CNDP2: variants seen among roughly 807,000 people sequenced by gnomAD.
The protein encoded by CNDP2 is cytosolic non-specific dipeptidase.
A neutral mutation model predicts 55.0 loss-of-function variants in CNDP2; 38 were observed. The ratio of observed to expected loss-of-function variants is 0.69; its 90% CI spans 0.53 to 0.90. The LOEUF is 0.90. Ranked by LOEUF, CNDP2 falls within the 40% of genes least tolerant of loss-of-function variation. CNDP2 has a pLI of 0.00. For missense variants in CNDP2, 607 were observed against 621.7 expected (o/e 0.98, Z 0.25); for synonymous variants, 241 against 260.2 (o/e 0.93, Z 0.71).
At chr18:74,505,490 T>G (rs935958877) in intron 3 of CNDP2, among the ~76,000 whole-genome samples, 3 of 151,916 alleles carry the variant, frequency 2.0e-5, no homozygotes, top group African/African-American at 7.3e-5. Flanking sequence ...TCCCAGCTAC[T>G]TGGGCGGTTG....
chr18:74,496,669 T>C (rs1978431723), intron 1 of CNDP2, among the ~76,000 whole-genome samples: 1 of 152,140 alleles, frequency 6.6e-6, no homozygotes, highest in African/African-American at 2.4e-5. Context: ...GCCACTCGTG[T>C]CCCAGCAGCG....
In CNDP2 at chr18:74,499,882, G is replaced by T; in HGVS notation, c.-92G>T. On this transcript the variant is annotated splice_region_variant and 5_prime_UTR_variant, in exon 2 of 12. Coordinates refer to ENST00000324262, the MANE Select transcript of CNDP2 (RefSeq NM_018235.3). ...TTCTGAACACGTGCTTTCTGGGCAG[G>T]TCGCCCCTCAGTCTCCACTAGAGAC... The T allele has an allele frequency of 2.7e-6, 3 of 1,129,284 alleles. No individual in the cohort carries two copies. The highest frequency in any genetic ancestry group is 2.7e-5 in the South Asian group (2 of 74,558). 70.0% of individuals were successfully genotyped at this position (1,129,284 alleles called of 1,614,324 possible). A position where few individuals can be genotyped will look rare whatever the true frequency, so the allele number is the denominator to read the frequency against.
chr18:74,519,931 G>T, intron 11 of CNDP2, 68 bp from the exon 12 acceptor site: 1 of 1,434,178 alleles, frequency 7.0e-7, no homozygotes, highest in South Asian at 1.2e-5. Flanking sequence ...GGCTCGGGAG[G>T]AGTCACCCCA....
chr18:74,502,504 A>T (rs943327360), intron 3 of CNDP2, among the ~76,000 whole-genome samples: 2 of 147,814 alleles, frequency 1.4e-5, no homozygotes, highest in Non-Finnish European at 3.0e-5. Flanking sequence ...GGGTTTCACC[A>T]TGTTTCCAGG....
chr18:74,511,578 G>C (rs1255698052), intron 6 of CNDP2, among the ~76,000 whole-genome samples: 1 of 152,066 alleles, frequency 6.6e-6, no homozygotes, highest in African/African-American at 2.4e-5. Flanking sequence ...TGTGGTGGCA[G>C]GTGCCTGTAA....
chr18:74,516,151 A>G, intron 8 of CNDP2, 77 bp from the exon 9 acceptor site: 4 of 1,471,542 alleles, frequency 2.7e-6, no homozygotes, highest in Non-Finnish European at 3.7e-6. Context: ...CCCAGACAAC[A>G]TTCCCAGCTC....
In CNDP2 at chr18:74,516,232, A is replaced by C; in HGVS notation, c.908A>C (p.Asp303Ala). Residue 303 changes from aspartate to alanine, a missense_variant, in exon 9 of 12, where the codon GAC (aspartate) becomes GCC (alanine). By Grantham distance (126) the Asp-to-Ala change is moderately radical. Coordinates refer to ENST00000324262, the MANE Select transcript of CNDP2 (RefSeq NM_018235.3). Reference sequence around the variant, plus strand: ...GACCCTCTGATTTTTCTGCAGAAAGACATCCTCATGCACCGATGGCGGTAC... The same window carrying C: ...GACCCTCTGATTTTTCTGCAGAAAGCCATCCTCATGCACCGATGGCGGTAC... ...AQILLHSHKK[D>A]ILMHRWRYPS... The C allele has an allele frequency of 6.2e-7, 1 of 1,609,102 alleles. No individual in the cohort carries two copies. The highest frequency in any genetic ancestry group is 8.5e-7 in the Non-Finnish European group (1 of 1,177,304).
intron 9 of CNDP2, 99 bp downstream of exon 9, chr18:74,516,491 G>C (rs552614591): frequency 2.5e-6 from 3 of 1,197,014 alleles, no homozygotes; most frequent in Non-Finnish European, 3.4e-6. Context: ...CCCGGGCCAT[G>C]CATGCCCCCG....
At chr18:74,501,954 C>T (rs755944433) in intron 3 of CNDP2, among the ~76,000 whole-genome samples, 9 of 151,988 alleles carry the variant, frequency 5.9e-5, no homozygotes, top group South Asian at 2.1e-4. Flanking sequence ...AGTGCAGTGG[C>T]GTGATCTCGG....
At chr18:74,503,692 A>G (rs1978838710) in intron 3 of CNDP2, among the ~76,000 whole-genome samples, 2 of 152,412 alleles carry the variant, frequency 1.3e-5, no homozygotes, top group African/African-American at 4.8e-5. Context: ...GATTTCAGCC[A>G]CAATTCTTTG....
chr18:74,506,132 CT>C (rs1366336929), intron 4 of CNDP2, 121 bp downstream of exon 4: 12 of 960,746 alleles, frequency 1.2e-5, no homozygotes, highest in African/African-American at 1.7e-5. Flanking sequence ...TATTTTATTA[CT>C]TTTTAAAAAT....
In CNDP2 at chr18:74,520,236, C is replaced by T. The variant is rs563288265; in HGVS notation, c.*168C>T. 5.7e-4 allele frequency: 363 copies of T among 640,588 alleles called. 2 individuals carry two copies. The South Asian group carries it at 6.4e-3, about 11-fold the overall frequency. The allele number at this position is 640,588 out of a possible 1,614,324, so 39.7% of individuals were successfully genotyped here. A position where few individuals can be genotyped will look rare whatever the true frequency, so the allele number is the denominator to read the frequency against. On this transcript the variant is annotated 3_prime_UTR_variant, in exon 12 of 12. Transcript: ENST00000324262. ...TGTATCCAGCTGTCCACGGGTGGAGCTACCCGTTGGGCTTATGAGTGACCT... is the reference window on the plus strand; with the variant it reads ...TGTATCCAGCTGTCCACGGGTGGAGTTACCCGTTGGGCTTATGAGTGACCT...
At chr18:74,516,687 C>A (rs1237123177) in intron 9 of CNDP2, 2 of 292,016 alleles carry the variant, frequency 6.8e-6, no homozygotes, top group Non-Finnish European at 1.3e-5. Context: ...TGGTCAGAGT[C>A]CCAGAGCCGC....
At chr18:74,514,161 G>A (rs1038494544) in intron 8 of CNDP2, among the ~76,000 whole-genome samples, 2 of 152,244 alleles carry the variant, frequency 1.3e-5, no homozygotes, top group African/African-American at 4.8e-5. Flanking sequence ...TGTAAGTTCT[G>A]CAGGCTGTAG....
At chr18:74,517,369 C>T (rs1171617211) in intron 9 of CNDP2, 3 of 152,198 alleles carry the variant, frequency 2.0e-5, no homozygotes, top group Non-Finnish European at 4.4e-5. Flanking sequence ...GAGAGCGGCT[C>T]AGCCCGCAGC....
At chr18:74,518,329 G>A in intron 9 of CNDP2, 170 bp from the exon 10 acceptor site, 2 of 624,732 alleles carry the variant, frequency 3.2e-6, no homozygotes, top group Middle Eastern at 7.7e-4. Flanking sequence ...TCAGTATTAA[G>A]CAACAGAAAA....
intron 1 of CNDP2, among the ~76,000 whole-genome samples, chr18:74,498,680 T>C (rs1402189214): frequency 6.6e-6 from 1 of 152,182 alleles, no homozygotes; most frequent in African/African-American, 2.4e-5. Context: ...AACAGGTGGA[T>C]GACAGTGTTA....
chr18:74,508,615 A>T, intron 4 of CNDP2: 1 of 477,256 alleles, frequency 2.1e-6, no homozygotes, highest in Non-Finnish European at 3.8e-6. Context: ...CGGTGGGAGA[A>T]GGAAGGGGTT....
intron 3 of CNDP2, among the ~76,000 whole-genome samples, chr18:74,502,366 G>A (rs993741329): frequency 2.0e-5 from 3 of 152,122 alleles, no homozygotes; most frequent in African/African-American, 7.2e-5. Context: ...CCTTGAATAA[G>A]GTAGTTTTGT....
Sources: allele counts gnomAD v4.1 joint callset (sites outside exome capture counted in the v4.1 genomes callset), GRCh38; gene constraint gnomAD v4.1.1; transcripts MANE v1.5; gene names NCBI Gene and HGNC (gene_info 2026-07-23, HGNC 2026-07-21).